The following ZFHX3 variants were observed in gnomAD, a reference collection of about 807,000 sequenced individuals.
ZFHX3 encodes the protein zinc finger homeobox 3, also known as zinc finger homeobox protein 3.
In ZFHX3, 42 loss-of-function variants were observed where a neutral mutation model predicts 279.1. The ratio of observed to expected loss-of-function variants is 0.15; its 90% confidence interval spans 0.12 to 0.19. ZFHX3 has a LOEUF of 0.19. Among genes scored for constraint, ZFHX3 ranks in the 10% least tolerant of loss-of-function variants. ZFHX3 has a pLI of 1.00. For synonymous variants in ZFHX3, 2,293 were observed against 1,957.8 expected (o/e 1.17, Z -4.52); for missense variants, 4,981 against 4,754.0 (o/e 1.05, Z -1.40).
At chr16:72,923,946 A>T (rs1198803109) in intron 3 of ZFHX3, among the ~76,000 whole-genome samples, 1 of 152,194 alleles carries the variant, frequency 6.6e-6, no homozygotes, top group Non-Finnish European at 1.5e-5. Context: ...ACGATTACTC[A>T]TTACATGTCA....
intron 1 of ZFHX3, among the ~76,000 whole-genome samples, chr16:73,024,965 C>T (rs767578594): frequency 6.6e-6 from 1 of 152,192 alleles, no homozygotes; most frequent in Non-Finnish European, 1.5e-5. Flanking sequence ...TTGACTGCCC[C>T]TTAGACACCG....
intron 1 of ZFHX3, among the ~76,000 whole-genome samples, chr16:73,681,841 C>T (rs1055571680): frequency 6.6e-6 from 1 of 152,212 alleles, no homozygotes; most frequent in African/African-American, 2.4e-5. Context: ...AGATAAGCCC[C>T]TGCTTAGAAA....
chr16:73,016,326 A>G lies in ZFHX3; in HGVS notation c.-50+31426T>C, dbSNP rs1425686554. ...ACTAGGATTACTCAATAGGATTTAA[A>G]TGTTCAATTTTAGCACACATGTACA... On this transcript the variant is annotated intron_variant, in intron 1 of 9. Coordinates refer to ENST00000268489, the MANE Select transcript of ZFHX3 (RefSeq NM_006885.4). Among the ~76,000 whole-genome samples the G allele has an allele frequency of 2.0e-5, 3 of 152,176 alleles. No homozygotes were observed. In the South Asian group the frequency reaches 6.2e-4, roughly 32 times the overall value.
At chr16:73,419,915 T>C (rs2017683152) in intron 3 of ZFHX3, among the ~76,000 whole-genome samples, 1 of 152,006 alleles carries the variant, frequency 6.6e-6, no homozygotes, top group South Asian at 2.1e-4. Context: ...ATAATTTTTT[T>C]TTTTTTCTGG....
intron 1 of ZFHX3, among the ~76,000 whole-genome samples, chr16:72,975,546 T>A (rs1296795116): frequency 6.6e-6 from 1 of 152,184 alleles, no homozygotes; most frequent in Non-Finnish European, 1.5e-5. Context: ...CCCTTCTCCA[T>A]CCCACATGGT....
At chr16:73,755,626 G>A (rs567220146) in intron 1 of ZFHX3, among the ~76,000 whole-genome samples, 8 of 152,232 alleles carry the variant, frequency 5.3e-5, no homozygotes, top group Admixed American at 5.2e-4. Flanking sequence ...AATCCTGCAG[G>A]CATCAACTGG....
intron 3 of ZFHX3, among the ~76,000 whole-genome samples, chr16:73,388,031 A>G (rs575325418): frequency 1.8e-4 from 27 of 152,230 alleles, no homozygotes; most frequent in African/African-American, 6.0e-4. Context: ...GTGCCCTCGG[A>G]TGCTGAGCTG....
At chr16:72,847,465 C>A (rs2037508274) in intron 4 of ZFHX3, among the ~76,000 whole-genome samples, 1 of 152,016 alleles carries the variant, frequency 6.6e-6, no homozygotes, top group African/African-American at 2.4e-5. Context: ...CTCTTGGTAC[C>A]CTGGGAGCTC....
Position 72,793,894 on chromosome 16 carries a change from C to T in ZFHX3, c.8788G>A (p.Ala2930Thr), listed in dbSNP as rs1425021184. The T allele has an allele frequency of 1.2e-6, 2 of 1,614,090 alleles. No individual in the cohort carries two copies. Among genetic ancestry groups the T allele is most frequent in the East Asian group, 2.2e-5 (1 of 44,886 alleles). ...CCAGATTTGCCTGCAGATCCACTCG[C>T]ACCAGGACTCGGGGAGCAGGGATCT... Reference protein sequence around the residue: ...LADPCSPSPGASGSAGKSGDS... With the variant: ...LADPCSPSPGTSGSAGKSGDS... The change falls in exon 9 of 10, where the codon GCG becomes ACG. Residue 2930 changes from alanine to threonine, a missense_variant. Transcript: ENST00000268489. This position sits in a 1 kb window ranked among gnomAD's most constrained non-coding sequence, Gnocchi z 4.3.
chr16:72,833,914 C>G (rs1211988886), intron 4 of ZFHX3, among the ~76,000 whole-genome samples: 1 of 152,150 alleles, frequency 6.6e-6, no homozygotes, highest in Non-Finnish European at 1.5e-5. Context: ...TCCCTTCTGC[C>G]TTTCATTTCC....
chr16:73,490,354 T>C (rs1226194005), intron 2 of ZFHX3, among the ~76,000 whole-genome samples: 7 of 152,210 alleles, frequency 4.6e-5, no homozygotes, highest in Non-Finnish European at 8.8e-5. Context: ...CCAATTCCCA[T>C]TGAAAACGTT....
In ZFHX3 at chr16:73,297,078, C is replaced by T. The variant is rs547811919; in HGVS notation, c.-1194+21162G>A. Among the ~76,000 whole-genome samples, 618 of 151,736 alleles carry T rather than the reference C, an allele frequency of 4.1e-3. 14 individuals are homozygous for T. Among genetic ancestry groups the T allele is most frequent in the African/African-American group, 0.014 (576 of 41,174 alleles). ...ATTTTTAGTAGAGACAGGGTTTCACCGTGTTAGCCAGGATGGTCTCGATCC... is the reference window on the plus strand; with the variant it reads ...ATTTTTAGTAGAGACAGGGTTTCACTGTGTTAGCCAGGATGGTCTCGATCC... On this transcript the variant is annotated intron_variant, in intron 4 of 17. Coordinates refer to the ZFHX3 transcript ENST00000641206.
At chr16:72,903,031 T>TAG (rs1228062134) in intron 3 of ZFHX3, among the ~76,000 whole-genome samples, 1 of 151,700 alleles carries the variant, frequency 6.6e-6, no homozygotes, top group African/African-American at 2.4e-5. Flanking sequence ...CCCAGCCCGG[T>TAG]ACTGCAGGAG....
chr16:73,397,152 G>C (rs1270494507), intron 3 of ZFHX3, among the ~76,000 whole-genome samples: 1 of 152,236 alleles, frequency 6.6e-6, no homozygotes, highest in African/African-American at 2.4e-5. Flanking sequence ...TGCACTCATG[G>C]AGTTCATAAT....
chr16:73,795,324 C>A (rs559706312), intron 1 of ZFHX3, among the ~76,000 whole-genome samples: 1 of 152,178 alleles, frequency 6.6e-6, no homozygotes, highest in Admixed American at 6.5e-5. Context: ...GTTTTGAGGA[C>A]CCCTCTTGCT....
chr16:73,163,543 G>T (rs1459702710), intron 5 of ZFHX3, among the ~76,000 whole-genome samples: 2 of 152,206 alleles, frequency 1.3e-5, no homozygotes, highest in Non-Finnish European at 2.9e-5. Context: ...AGTATGGCCT[G>T]CAAAAACGAA....
intron 1 of ZFHX3, among the ~76,000 whole-genome samples, chr16:73,833,574 G>A (rs1432585541): frequency 2.0e-5 from 3 of 151,666 alleles, no homozygotes; most frequent in Non-Finnish European, 4.4e-5. Flanking sequence ...CGGATACAGG[G>A]AGGAGAACAT....
chr16:73,216,485 G>C (rs1198320149), intron 5 of ZFHX3, among the ~76,000 whole-genome samples: 1 of 152,168 alleles, frequency 6.6e-6, no homozygotes, highest in Non-Finnish European at 1.5e-5. Flanking sequence ...TCCCTCAAAA[G>C]ACTGTGAACT....
At chr16:73,190,788 C>G (rs1298183798) in intron 5 of ZFHX3, among the ~76,000 whole-genome samples, 2 of 152,108 alleles carry the variant, frequency 1.3e-5, no homozygotes, top group Non-Finnish European at 2.9e-5. Context: ...CAAGGTCACT[C>G]ACCGAACCAG....
Sources: allele counts gnomAD v4.1 joint callset (sites outside exome capture counted in the v4.1 genomes callset), GRCh38; gene constraint gnomAD v4.1.1; non-coding constraint Gnocchi (gnomAD v3.1); transcripts MANE v1.5; gene names NCBI Gene and HGNC (gene_info 2026-07-23, HGNC 2026-07-21).